Variants in SDK1 observed in about 807,000 individuals in gnomAD.
SDK1 encodes sidekick cell adhesion molecule 1, also known as protein sidekick-1.
A neutral mutation model predicts 245.5 loss-of-function variants in SDK1; 157 were observed. The ratio of observed to expected loss-of-function variants is 0.64; its 90% CI spans 0.56 to 0.73. The LOEUF is 0.73. SDK1 is among the 30% of genes least tolerant of loss of function. The pLI is 0.00. For synonymous variants in SDK1, 1,647 were observed against 1,278.5 expected, an observed-to-expected ratio of 1.29 and a Z score of -6.15; for missense variants, 3,583 against 3,002.3, an observed-to-expected ratio of 1.19 and a Z score of -4.52.
intron 4 of SDK1, among the ~76,000 whole-genome samples, chr7:3,763,321 C>G (rs546241121): frequency 3.3e-5 from 5 of 152,120 alleles, no homozygotes; most frequent in Non-Finnish European, 5.9e-5. Flanking sequence ...GCATACAACT[C>G]GATCATTTTT....
In SDK1 at chr7:4,129,518, G is replaced by C. The variant is rs551188335; in HGVS notation, c.3940-390G>C. Among the ~76,000 whole-genome samples, 90 of 152,250 alleles carry C rather than the reference G, an allele frequency of 5.9e-4. 1 individual carries two copies. Among genetic ancestry groups the C allele is most frequent in the South Asian group, 1.4e-3 (7 of 4,830 alleles). ...GCAGGTCTTCTGGGGCAGGAAACCA[G>C]CTTCCATGGCTGGAAAACCCAGGGG... On this transcript the variant is annotated intron_variant, in intron 26 of 44. Transcript: ENST00000404826.
At chr7:4,236,246 A>G (rs1293557925) in intron 41 of SDK1, among the ~76,000 whole-genome samples, 1 of 152,088 alleles carries the variant, frequency 6.6e-6, no homozygotes, top group Non-Finnish European at 1.5e-5. Context: ...TTCCAGTGCC[A>G]CAGAACCTAC....
intron 5 of SDK1, among the ~76,000 whole-genome samples, chr7:3,840,039 T>C (rs1277548899): frequency 1.3e-5 from 2 of 152,226 alleles, no homozygotes; most frequent in African/African-American, 2.4e-5. Context: ...AAGTGGTCTC[T>C]GGGTCCCTCC....
chr7:3,637,139 C>G (rs919317506), intron 2 of SDK1, among the ~76,000 whole-genome samples: 2 of 151,398 alleles, frequency 1.3e-5, no homozygotes, highest in African/African-American at 2.4e-5. Flanking sequence ...GCTCTGTCAC[C>G]CAGGCTGGAG....
intron 25 of SDK1, among the ~76,000 whole-genome samples, chr7:4,126,708 G>T (rs1427340581): frequency 2.0e-5 from 3 of 152,226 alleles, no homozygotes; most frequent in African/African-American, 4.8e-5. Context: ...ATAAAGAAAA[G>T]AAAATTTTCT....
intron 17 of SDK1, among the ~76,000 whole-genome samples, chr7:4,030,819 C>A (rs893301529): frequency 6.6e-6 from 1 of 152,208 alleles, no homozygotes; most frequent in African/African-American, 2.4e-5. Context: ...GGCCCAGGAA[C>A]TGTCTCCTCC....
At chr7:3,387,666 C>T (rs868635993) in intron 1 of SDK1, among the ~76,000 whole-genome samples, 10 of 152,172 alleles carry the variant, frequency 6.6e-5, no homozygotes, top group Middle Eastern at 3.4e-3. Flanking sequence ...GATTACACAA[C>T]GATGTGAATG....
chr7:3,361,080 A>AT (rs1780938664), intron 1 of SDK1, among the ~76,000 whole-genome samples: 1 of 152,188 alleles, frequency 6.6e-6, no homozygotes, highest in Non-Finnish European at 1.5e-5. Context: ...TAAAAACCGT[A>AT]TTGATCAAAT....
At chr7:3,581,792 T>C (rs1298429220) in intron 1 of SDK1, among the ~76,000 whole-genome samples, 9 of 152,358 alleles carry the variant, frequency 5.9e-5, no homozygotes, top group Middle Eastern at 3.4e-3. Context: ...GTGGTACATA[T>C]ACACCTCAGA....
At chr7:3,764,475 C>T (rs1031428074) in intron 4 of SDK1, among the ~76,000 whole-genome samples, 2 of 152,106 alleles carry the variant, frequency 1.3e-5, no homozygotes, top group African/African-American at 4.8e-5. Context: ...CACCTGAGCT[C>T]AGGAGTTCGA....
At chr7:3,770,252 A>G (rs1474366542) in intron 4 of SDK1, among the ~76,000 whole-genome samples, 1 of 152,128 alleles carries the variant, frequency 6.6e-6, no homozygotes, top group Non-Finnish European at 1.5e-5. Context: ...CTCTCAGTGT[A>G]ATTCCCTTAA....
intron 1 of SDK1, among the ~76,000 whole-genome samples, chr7:3,593,350 C>T (rs749458804): frequency 6.6e-6 from 1 of 152,104 alleles, no homozygotes; most frequent in South Asian, 2.1e-4. Context: ...AATCTCCTGC[C>T]CCCAGGTCTG....
intron 1 of SDK1, among the ~76,000 whole-genome samples, chr7:3,430,232 A>T (rs1286113757): frequency 6.6e-6 from 1 of 152,190 alleles, no homozygotes; most frequent in Non-Finnish European, 1.5e-5. Flanking sequence ...TTGGTAATAA[A>T]AGGACTTGAT....
intron 1 of SDK1, among the ~76,000 whole-genome samples, chr7:3,459,445 G>A (rs976944274): frequency 2.0e-5 from 3 of 152,252 alleles, no homozygotes; most frequent in Admixed American, 2.0e-4. Context: ...CCACTCCCCA[G>A]TGCCATGAAG....
intron 8 of SDK1, among the ~76,000 whole-genome samples, chr7:3,960,755 A>G (rs1291238432): frequency 6.6e-6 from 1 of 152,204 alleles, no homozygotes; most frequent in East Asian, 1.9e-4. Flanking sequence ...GGGAGGGGGA[A>G]AAAGTGTGAG....
chr7:3,888,442 G>A (rs911103983), intron 5 of SDK1, among the ~76,000 whole-genome samples: 2 of 152,204 alleles, frequency 1.3e-5, no homozygotes, highest in African/African-American at 4.8e-5. Flanking sequence ...TAGTCCTGAT[G>A]TACAGAGTGG....
chr7:3,861,224 G>A (rs1368324157), intron 5 of SDK1, among the ~76,000 whole-genome samples: 1 of 152,176 alleles, frequency 6.6e-6, no homozygotes, highest in Non-Finnish European at 1.5e-5. Context: ...TATGTAGCTA[G>A]GATGCAATAT....
chr7:4,153,597 A>G (rs1780530241), intron 30 of SDK1, among the ~76,000 whole-genome samples: 1 of 152,332 alleles, frequency 6.6e-6, no homozygotes, highest in Middle Eastern at 3.4e-3. Flanking sequence ...GAAGAAAAAA[A>G]GAATCAGATG....
intron 1 of SDK1, among the ~76,000 whole-genome samples, chr7:3,367,657 G>A (rs539601894): frequency 3.9e-5 from 6 of 152,312 alleles, no homozygotes; most frequent in African/African-American, 1.4e-4. Context: ...ATAGTCAGCT[G>A]AGTTGGAGTC....
Sources: allele counts gnomAD v4.1 joint callset (sites outside exome capture counted in the v4.1 genomes callset), GRCh38; gene constraint gnomAD v4.1.1; transcripts MANE v1.5; gene names NCBI Gene and HGNC (gene_info 2026-07-23, HGNC 2026-07-21).